Variants in GRIN2C observed in about 807,000 individuals in gnomAD.
The protein encoded by GRIN2C is glutamate receptor ionotropic, NMDA 2C.
GRIN2C carries 64 observed loss-of-function variants against 77.7 expected under a neutral mutation model. The observed-to-expected ratio is 0.82, with a 90% CI of 0.67 to 1.01. The LOEUF is 1.01. GRIN2C is among the 50% of genes least tolerant of loss of function. The pLI is 0.00. For missense variants in GRIN2C, 1,549 were observed against 1,486.0 expected (o/e 1.04, Z -0.70); for synonymous variants, 792 against 643.4 (o/e 1.23, Z -3.49).
rs556008984 is a variant in GRIN2C, at chr17:74,842,808, C to G, written c.3329G>C (p.Gly1110Ala). 3.4e-4 allele frequency: 209 copies of G among 614,112 alleles called. 2 individuals carry two copies. In the African/African-American group the frequency reaches 3.8e-3, roughly 11 times the overall value. The allele number at this position is 614,112 out of a possible 1,614,324, so 38.0% of individuals were successfully genotyped here. The stretch of plus-strand genomic sequence containing the variant: ...CGCCAAGCGCCTGCAGGCCGAGTGG[C>G]CGTCGGGGCGGGCGCAGGCGGGGCC... Reference protein sequence around the residue: ...CTGPACARPDGHSACRRLAQA... With the variant: ...CTGPACARPDAHSACRRLAQA... The change falls in exon 13 of 13, where the codon GGC becomes GCC. Residue 1110 changes from glycine (G) to alanine (A), a missense_variant. This residue lies in a region of GRIN2C where 450 missense variants were observed against 267.9 expected (regional missense o/e 1.68). Transcript: ENST00000293190.
Position 74,849,925 on chromosome 17 carries a change from G to C in GRIN2C, c.1500C>G (p.Tyr500Ter). 1 of 1,612,894 alleles carries C rather than the reference G, an allele frequency of 6.2e-7. No individual in the cohort carries two copies. Among genetic ancestry groups the C allele is most frequent in the Non-Finnish European group, 8.5e-7 (1 of 1,179,630 alleles). Residue 500 changes from tyrosine to a stop codon, truncating the protein, a stop_gained, in exon 7 of 13, where the codon TAC (tyrosine) becomes TAG (stop). Coordinates refer to ENST00000293190, the MANE Select transcript of GRIN2C (RefSeq NM_000835.6). LOFTEE classifies it high-confidence loss of function. The surrounding 1 kb of genome is among the most constrained non-coding windows in gnomAD (Gnocchi z 4.6). The stretch of plus-strand genomic sequence containing the variant: ...AGCCGATGGCCATGTCTGCCCGCTT[G>C]TAGTACACCTGGGGGCCGGACGCCA... ...VWNGMIGEVY[Y>*]KRADMAIGSL...
Position 74,842,889 on chromosome 17 carries a change from G to A in GRIN2C, c.3248C>T (p.Pro1083Leu). 3.5e-6 allele frequency: 2 copies of A among 572,112 alleles called. No homozygotes were observed. Among genetic ancestry groups the A allele is most frequent in the South Asian group, 4.2e-5 (2 of 48,050 alleles). The allele number at this position is 572,112 out of a possible 1,614,324, so 35.4% of individuals were successfully genotyped here. The change falls in exon 13 of 13, where the codon CCC becomes CTC. Residue 1083 changes from proline (P) to leucine (L), a missense_variant. Physicochemically the swap from Pro to Leu is moderately conservative, Grantham distance 98. Coordinates refer to ENST00000293190, the MANE Select transcript of GRIN2C (RefSeq NM_000835.6). The stretch of plus-strand genomic sequence containing the variant: ...AGCGAAGGCCTCGGCCACGGAGCTG[G>A]GCAGGGAAGCGTGACGCGGGCGCGA... ...RGSRPRHASLPSSVAEAFARP... is the reference protein window; with the variant it reads ...RGSRPRHASLLSSVAEAFARP...
At chr17:74,851,799 A>C (rs1302605355) in intron 3 of GRIN2C, 108 bp from the exon 4 acceptor site, 1 of 766,812 alleles carries the variant, frequency 1.3e-6, no homozygotes, top group East Asian at 2.7e-5. Flanking sequence ...TTTATTGTTC[A>C]AAGTGCTTCC....
chr17:74,842,817 C>A lies in GRIN2C; in HGVS notation c.3320G>T (p.Arg1107Leu). The change falls in exon 13 of 13, where the codon CGC becomes CTC. Residue 1107 changes from arginine to leucine, a missense_variant. By Grantham distance (102) the Arg-to-Leu change is moderately radical. Transcript: ENST00000293190. ...PAGCTGPACARPDGHSACRRL... is the reference protein window; with the variant it reads ...PAGCTGPACALPDGHSACRRL... ...CCTGCAGGCCGAGTGGCCGTCGGGGCGGGCGCAGGCGGGGCCGGTGCACCC... is the reference window on the plus strand; with the variant it reads ...CCTGCAGGCCGAGTGGCCGTCGGGGAGGGCGCAGGCGGGGCCGGTGCACCC... 4 of 563,616 alleles carry A rather than the reference C, an allele frequency of 7.1e-6. No homozygotes were observed. The highest frequency in any genetic ancestry group is 2.0e-5 in the South Asian group (1 of 50,482). The allele number at this position is 563,616 out of a possible 1,614,324, so 34.9% of individuals were successfully genotyped here. A position where few individuals can be genotyped will look rare whatever the true frequency, so the allele number is the denominator to read the frequency against.
chr17:74,842,470 A>G lies in GRIN2C; in HGVS notation c.3667T>C (p.Trp1223Arg). The change falls in exon 13 of 13, where the codon TGG (tryptophan) becomes CGG (arginine). Residue 1223 changes from tryptophan to arginine, a missense_variant. Physicochemically the swap from Trp to Arg is moderately radical, Grantham distance 101. This residue lies in a region of GRIN2C where 450 missense variants were observed against 267.9 expected (regional missense o/e 1.68). Transcript: ENST00000293190. ...GACTCCAGACTGGAGATCCGTCTCC[A>G]GGTGCAGGGTCCCGGGAAGCCTTGC... ...GTQGFPGPCT[W>R]RRISSLESEV 2.6e-6 allele frequency: 2 copies of G among 776,846 alleles called. No individual in the cohort carries two copies. The highest frequency in any genetic ancestry group is 4.8e-6 in the Non-Finnish European group (2 of 416,968). 48.1% of individuals were successfully genotyped at this position (776,846 alleles called of 1,614,324 possible).
At chr17:74,858,963 G>C (rs1468329382) in intron 1 of GRIN2C, among the ~76,000 whole-genome samples, 1 of 152,118 alleles carries the variant, frequency 6.6e-6, no homozygotes, top group African/African-American at 2.4e-5. Context: ...TCAGGCTCTA[G>C]GCGCAGGGAC....
At position 74,850,555 on chromosome 17, in the gene GRIN2C, C is replaced by T. The variant is rs1327909571; in HGVS notation, c.1325+1G>A. 6.2e-7 allele frequency: 1 copy of T among 1,613,464 alleles called. No individual in the cohort carries two copies. The highest frequency in any genetic ancestry group is 8.5e-7 in the Non-Finnish European group (1 of 1,179,808). ...CTAGCCTCCCAGGGCCCTCCACAGA[C>T]CTGAAGGTGTGGTTGCTCTGCCTGC... is the stretch of plus-strand genomic sequence containing the variant. On this transcript the variant is annotated splice_donor_variant, in intron 5 of 12. Coordinates refer to ENST00000293190, the MANE Select transcript of GRIN2C (RefSeq NM_000835.6). LOFTEE classifies it high-confidence loss of function. The surrounding 1 kb of genome is among the most constrained non-coding windows in gnomAD (Gnocchi z 5.3).
At chr17:74,856,460 C>T (rs1262702425) in intron 1 of GRIN2C, among the ~76,000 whole-genome samples, 1 of 150,670 alleles carries the variant, frequency 6.6e-6, no homozygotes, top group East Asian at 2.0e-4. Context: ...CTTTTGCCTG[C>T]CACCAAATTT....
In GRIN2C at chr17:74,842,346, A is replaced by C; in HGVS notation, c.*89T>G. On this transcript the variant is annotated 3_prime_UTR_variant, in exon 13 of 13. Transcript: ENST00000293190. ...CCCATGGCCAGGATTTCATGGCAGA[A>C]GCCAGAAAAGCCCAATCCTGCCTGC... The C allele has an allele frequency of 1.5e-6, 1 of 676,980 alleles. No homozygotes were observed. The highest frequency in any genetic ancestry group is 2.7e-6 in the Non-Finnish European group (1 of 369,050). The allele number at this position is 676,980 out of a possible 1,614,324, so 41.9% of individuals were successfully genotyped here.
intron 1 of GRIN2C, 27 bp from the exon 2 acceptor site, chr17:74,855,134 G>A: frequency 6.6e-7 from 1 of 1,515,900 alleles, no homozygotes; most frequent in Non-Finnish European, 8.8e-7. Flanking sequence ...ACAAGCACAG[G>A]GAGAGAGACA....
chr17:74,851,397 C>T, intron 4 of GRIN2C, 180 bp downstream of exon 4: 1 of 576,410 alleles, frequency 1.7e-6, no homozygotes, highest in Non-Finnish European at 3.1e-6. Context: ...AGCAGGGCAC[C>T]TCACCCACCC....
chr17:74,843,284 C>T lies in GRIN2C; in HGVS notation c.2853G>A (p.Pro951=). The T allele has an allele frequency of 3.3e-6, 3 of 910,182 alleles. No homozygotes were observed. Among genetic ancestry groups the T allele is most frequent in the Non-Finnish European group, 4.4e-6 (3 of 678,592 alleles). 56.4% of individuals were successfully genotyped at this position (910,182 alleles called of 1,614,324 possible). A position where few individuals can be genotyped will look rare whatever the true frequency, so the allele number is the denominator to read the frequency against. The change falls in exon 13 of 13, where the codon CCG becomes CCA. Residue 951 remains proline, a synonymous_variant. Coordinates refer to ENST00000293190, the MANE Select transcript of GRIN2C (RefSeq NM_000835.6). ...GPSPCLPTPD[P]PPEPSPTGWG... is the part of the protein sequence containing the mutation. Reference sequence around the variant, plus strand: ...AGCCCGTGGGGCTCGGCTCTGGGGGCGGGTCGGGGGTGGGCAGGCATGGGC... The same window carrying T: ...AGCCCGTGGGGCTCGGCTCTGGGGGTGGGTCGGGGGTGGGCAGGCATGGGC...
Position 74,849,444 on chromosome 17 carries a change from A to G in GRIN2C, c.1645+336T>C, listed in dbSNP as rs1161926073. 6.7e-6 allele frequency among the ~76,000 whole-genome samples: 1 copy of G among 150,348 alleles called. No homozygotes were observed. The highest frequency in any genetic ancestry group is 2.5e-5 in the African/African-American group (1 of 40,726). ...CTTCGCACACTACACTCGCTCCTCA[A>G]CTCCCCACGGGCCTCCCCCACTCGT... On this transcript the variant is annotated intron_variant, in intron 7 of 12. Coordinates refer to ENST00000293190, the MANE Select transcript of GRIN2C (RefSeq NM_000835.6). This position sits in a 1 kb window ranked among gnomAD's most constrained non-coding sequence, Gnocchi z 4.6.
At position 74,844,275 on chromosome 17, in the gene GRIN2C, C is replaced by T; in HGVS notation, c.2583+1G>A. On this transcript the variant is annotated splice_donor_variant, in intron 12 of 12. Coordinates refer to ENST00000293190, the MANE Select transcript of GRIN2C (RefSeq NM_000835.6). LOFTEE classifies it high-confidence loss of function. The stretch of plus-strand genomic sequence containing the variant: ...CTGTGTGGGGAGGGGTGGGCACCCA[C>T]CCTGCTGAAAGCCAGCAGGAAGTCC... 2.5e-6 allele frequency: 4 copies of T among 1,613,602 alleles called. No homozygotes were observed. The highest frequency in any genetic ancestry group is 3.4e-6 in the Non-Finnish European group (4 of 1,179,668).
chr17:74,855,128 G>A lies in GRIN2C; in HGVS notation c.-15-21C>T, dbSNP rs576287397. On this transcript the variant is annotated intron_variant, in intron 1 of 12. Coordinates refer to ENST00000293190, the MANE Select transcript of GRIN2C (RefSeq NM_000835.6). ...GGGTCCTGCGGAGAGACCAGAACAA[G>A]CACAGGGAGAGAGACAGAGGTTTGG... 9.2e-5 allele frequency: 141 copies of A among 1,526,042 alleles called. 1 individual carries two copies. In the South Asian group the frequency reaches 1.6e-3, roughly 18 times the overall value. 94.5% of individuals were successfully genotyped at this position (1,526,042 alleles called of 1,614,324 possible).
At chr17:74,860,106 C>G (rs1227096728), upstream of GRIN2C, among the ~76,000 whole-genome samples, 4 of 152,020 alleles carry the variant, frequency 2.6e-5, no homozygotes, top group African/African-American at 9.7e-5. Flanking sequence ...AGTACCATCC[C>G]AGGCCCGCCC....
rs1290577435 is a variant in GRIN2C at position 74,846,132 on chromosome 17, C to T, written c.2284G>A (p.Ala762Thr). 18 of 1,614,064 alleles carry T rather than the reference C, an allele frequency of 1.1e-5. No homozygotes were observed. The highest frequency in any genetic ancestry group is 2.2e-5 in the East Asian group (1 of 44,894). The stretch of plus-strand genomic sequence containing the variant: ...TTCCAGTGGGAGTCCTTCTGCATGG[C>T]GATGCCGTAGCCAGTGGTAGCAAAG... ...KVFATTGYGIAMQKDSHWKRA... is the reference protein window; with the variant it reads ...KVFATTGYGITMQKDSHWKRA... The change falls in exon 11 of 13, where the codon GCC (alanine) becomes ACC (threonine). Residue 762 changes from alanine to threonine, a missense_variant. Physicochemically the swap from Ala to Thr is moderately conservative, Grantham distance 58. Around this residue, in one of 3 missense-constraint regions of GRIN2C, gnomAD observed 717 missense variants for 858.1 expected, o/e 0.84. Transcript: ENST00000293190. The surrounding 1 kb of genome is among the most constrained non-coding windows in gnomAD (Gnocchi z 4.4).
upstream of GRIN2C, chr17:74,860,579 G>T (rs1357585924): frequency 6.7e-6 from 3 of 444,620 alleles, no homozygotes; most frequent in Admixed American, 4.8e-5. Context: ...CCCCGCCGTC[G>T]GGGATCCTGG....
intron 1 of GRIN2C, among the ~76,000 whole-genome samples, 164 bp from the exon 2 acceptor site, chr17:74,855,271 C>T (rs1413855375): frequency 2.6e-5 from 4 of 152,262 alleles, no homozygotes; most frequent in Admixed American, 6.5e-5. Flanking sequence ...CAGACAGACA[C>T]GGACAAAGAG....
Sources: gnomAD v4.1 joint callset for allele counts (sites outside exome capture counted in the v4.1 genomes callset) on GRCh38, gnomAD v4.1.1 for gene constraint, gnomAD v4.1.1 regional missense constraint, Gnocchi (gnomAD v3.1) non-coding constraint, MANE v1.5 for transcripts, NCBI Gene and HGNC (gene_info 2026-07-23, HGNC 2026-07-21) for gene names.